Variants in FOCAD observed in about 807,000 individuals in gnomAD.
The protein encoded by FOCAD is KIAA1797.
Under a neutral mutation model 225.6 loss-of-function variants are expected in FOCAD, and 198 were observed. That is an observed-to-expected ratio of 0.88 (90% CI 0.78 to 0.99). The LOEUF (loss-of-function observed/expected upper bound fraction) is 0.99. FOCAD is among the 50% of genes least tolerant of loss of function. The probability of loss-of-function intolerance (pLI) is 0.00; values close to 1 mark genes in which losing one functional copy is unlikely to be tolerated. For missense variants in FOCAD, 2,713 were observed against 2,123.6 expected (o/e 1.28, Z -5.46); for synonymous variants, 897 against 755.0 (o/e 1.19, Z -3.08).
chr9:20,826,997 A>T (rs959811451), intron 15 of FOCAD, among the ~76,000 whole-genome samples: 2 of 152,152 alleles, frequency 1.3e-5, no homozygotes, highest in Non-Finnish European at 2.9e-5. Context: ...ATACAGAATA[A>T]TGGCTCCAAT....
At chr9:20,937,448 T>C (rs1229221152) in intron 28 of FOCAD, among the ~76,000 whole-genome samples, 1 of 152,082 alleles carries the variant, frequency 6.6e-6, no homozygotes, top group East Asian at 1.9e-4. Flanking sequence ...ATCTGATCTT[T>C]GACAAAGCTG....
chr9:20,927,949 A>G (rs1024343447), intron 26 of FOCAD: 1 of 18,894 alleles, frequency 5.3e-5, no homozygotes, highest in Admixed American at 4.5e-4. Context: ...TAGTTGAGGT[A>G]AAAAAAAAAA....
rs1487819932 is a variant in FOCAD at position 20,823,059 on chromosome 9, C to G, written c.1864C>G (p.Gln622Glu). Residue 622 changes from glutamine to glutamate, a missense_variant, in exon 15 of 44, where the codon CAA (glutamine) becomes GAA (glutamate). Coordinates refer to ENST00000338382, the MANE Select transcript of FOCAD (RefSeq NM_001375567.1). ...GTTGAATGAATGCACCAAGCCTGAT[C>G]AAGCTACTCCAGCAGCCTTGGTATT... Reference protein sequence around the residue: ...QVLNECTKPDQATPAALVLQG... With the variant: ...QVLNECTKPDEATPAALVLQG... 6.2e-7 allele frequency: 1 copy of G among 1,609,850 alleles called. No individual in the cohort carries two copies. The highest frequency in any genetic ancestry group is 1.3e-5 in the African/African-American group (1 of 74,742).
At chr9:20,832,243 T>G (rs1452624939) in intron 15 of FOCAD, among the ~76,000 whole-genome samples, 1 of 152,060 alleles carries the variant, frequency 6.6e-6, no homozygotes, top group Non-Finnish European at 1.5e-5. Context: ...TATGCTTAAC[T>G]GTTTTGAGGA....
chr9:20,659,783 A>G (rs2131251766), intron 2 of FOCAD, among the ~76,000 whole-genome samples: 1 of 152,360 alleles, frequency 6.6e-6, no homozygotes, highest in East Asian at 1.9e-4. Flanking sequence ...TTGTGAAAGC[A>G]TTGGAAAGCA....
intron 11 of FOCAD, among the ~76,000 whole-genome samples, chr9:20,812,896 C>A (rs1175431855): frequency 6.6e-6 from 1 of 151,992 alleles, no homozygotes; most frequent in South Asian, 2.1e-4. Flanking sequence ...ATGAAATCTA[C>A]CTTAAAAAAT....
chr9:20,693,873 G>C (rs144370096), intron 1 of FOCAD, among the ~76,000 whole-genome samples: 28 of 152,272 alleles, frequency 1.8e-4, no homozygotes, highest in Admixed American at 1.8e-3. Context: ...TCCACGCCTG[G>C]TTAATTTCTG....
At chr9:20,848,452 A>C (rs1190090493) in intron 15 of FOCAD, among the ~76,000 whole-genome samples, 1 of 151,886 alleles carries the variant, frequency 6.6e-6, no homozygotes, top group Non-Finnish European at 1.5e-5. Flanking sequence ...GGGTTAGAGT[A>C]ATATTTTTAG....
At chr9:20,871,464 C>G (rs1829759789) in intron 18 of FOCAD, among the ~76,000 whole-genome samples, 2 of 151,662 alleles carry the variant, frequency 1.3e-5, no homozygotes, top group Non-Finnish European at 2.9e-5. Flanking sequence ...CAACTGAGTT[C>G]TCTTGATTCT....
At chr9:20,657,924 CT>C (rs1821550092), upstream of FOCAD, among the ~76,000 whole-genome samples, 1 of 134,196 alleles carries the variant, frequency 7.5e-6, no homozygotes, top group Non-Finnish European at 1.6e-5. Context: ...TACTTTTGGT[CT>C]TTGATGATGG....
intron 24 of FOCAD, among the ~76,000 whole-genome samples, chr9:20,919,342 A>T (rs991682937): frequency 6.6e-6 from 1 of 152,222 alleles, no homozygotes; most frequent in Non-Finnish European, 1.5e-5. Flanking sequence ...AGAACATTCC[A>T]TGTTCCTGGG....
chr9:20,995,403 T>G (rs1399668585), intron 43 of FOCAD, among the ~76,000 whole-genome samples, 153 bp from the exon 44 acceptor site: 2 of 149,746 alleles, frequency 1.3e-5, no homozygotes, highest in Admixed American at 1.3e-4. Context: ...CATTTATAAA[T>G]GGTTTTCTGC....
chr9:20,802,292 AAT>A (rs368989063), intron 11 of FOCAD, among the ~76,000 whole-genome samples: 2 of 151,316 alleles, frequency 1.3e-5, no homozygotes, highest in Non-Finnish European at 2.9e-5. Context: ...CAAGCATGTA[AAT>A]ATATATATAT....
chr9:20,821,771 C>T (rs900956294), intron 14 of FOCAD, among the ~76,000 whole-genome samples: 3 of 151,772 alleles, frequency 2.0e-5, no homozygotes, highest in East Asian at 1.9e-4. Context: ...TCAGCCACTG[C>T]GTTGAATTCC....
At chr9:20,895,933 A>G (rs1220012432) in intron 21 of FOCAD, among the ~76,000 whole-genome samples, 8 of 151,918 alleles carry the variant, frequency 5.3e-5, no homozygotes, top group African/African-American at 1.9e-4. Context: ...GAGAGAGGAC[A>G]TCCTTGCCTT....
chr9:20,662,315 C>T (rs1295160742), intron 2 of FOCAD, among the ~76,000 whole-genome samples: 1 of 152,138 alleles, frequency 6.6e-6, no homozygotes, highest in Non-Finnish European at 1.5e-5. Flanking sequence ...AGAACGTAGT[C>T]TGCACAAAAG....
chr9:20,769,364 C>G (rs755697038), intron 7 of FOCAD, among the ~76,000 whole-genome samples: 1 of 152,194 alleles, frequency 6.6e-6, no homozygotes, highest in Non-Finnish European at 1.5e-5. Flanking sequence ...TTTGTAATCT[C>G]TGGGAAATGC....
chr9:20,780,002 C>T (rs900352602), intron 9 of FOCAD, among the ~76,000 whole-genome samples: 1 of 152,130 alleles, frequency 6.6e-6, no homozygotes, highest in Non-Finnish European at 1.5e-5. Context: ...TAGCAGTGCA[C>T]ATGGGATCTA....
At chr9:20,795,462 C>G (rs1820955638) in intron 11 of FOCAD, among the ~76,000 whole-genome samples, 1 of 151,926 alleles carries the variant, frequency 6.6e-6, no homozygotes, top group South Asian at 2.1e-4. Flanking sequence ...ATGATGAAAA[C>G]AAAAAGCTAG....
Sources: gnomAD v4.1 joint callset for allele counts (sites outside exome capture counted in the v4.1 genomes callset) on GRCh38, gnomAD v4.1.1 for gene constraint, MANE v1.5 for transcripts, NCBI Gene and HGNC (gene_info 2026-07-23, HGNC 2026-07-21) for gene names.